The following CEP63 variants were observed in gnomAD, a reference collection of about 807,000 sequenced individuals.
CEP63 encodes the protein centrosomal protein 63.
A neutral mutation model predicts 89.1 loss-of-function variants in CEP63; 84 were observed. The observed-to-expected ratio is 0.94, with a 90% CI of 0.79 to 1.13. The LOEUF (loss-of-function observed/expected upper bound fraction) is 1.13. Ranked by LOEUF, CEP63 falls within the 50% of genes most tolerant of loss-of-function variation. CEP63 has a pLI of 0.00. For synonymous variants in CEP63, 267 were observed against 272.5 expected (o/e 0.98, Z 0.20); for missense variants, 838 against 813.3 (o/e 1.03, Z -0.37).
chr3:134,556,385 C>T (rs917274928), intron 12 of CEP63, among the ~76,000 whole-genome samples: 1 of 151,242 alleles, frequency 6.6e-6, no homozygotes, highest in Admixed American at 6.6e-5. Flanking sequence ...TTTTAAAGCG[C>T]AAACCCACGA....
the CEP63 span, chr3:134,610,143 A>T: frequency 6.4e-7 from 1 of 1,560,756 alleles, no homozygotes; most frequent in Non-Finnish European, 8.7e-7. Context: ...TGCCTGGCAC[A>T]TCCTCCACTT....
At chr3:134,566,176 T>C (rs1041866095), downstream of CEP63, among the ~76,000 whole-genome samples, 2 of 152,118 alleles carry the variant, frequency 1.3e-5, no homozygotes, top group African/African-American at 4.8e-5. Flanking sequence ...GGGAATTTTA[T>C]GTTGCCCATT....
intron 9 of CEP63, among the ~76,000 whole-genome samples, chr3:134,548,244 T>C (rs917033041): frequency 4.6e-5 from 7 of 152,238 alleles, no homozygotes; most frequent in African/African-American, 1.7e-4. Flanking sequence ...CTATACTGAC[T>C]CTACTTCTTT....
chr3:134,538,535 ATATATATATATATATATATG>A (rs1951291701), intron 6 of CEP63, among the ~76,000 whole-genome samples: 4 of 136,760 alleles, frequency 2.9e-5, no homozygotes, highest in African/African-American at 7.7e-5. Flanking sequence ...GTGTGTGTGT[ATATATATATATATATATATG>A]TATATATATA....
At chr3:134,527,836 C>A (rs755561498) in intron 3 of CEP63, among the ~76,000 whole-genome samples, 2 of 152,164 alleles carry the variant, frequency 1.3e-5, no homozygotes, top group Non-Finnish European at 2.9e-5. Context: ...TCAGATGAGA[C>A]CGGCCCCATA....
the CEP63 span, among the ~76,000 whole-genome samples, chr3:134,655,787 C>A: frequency 6.6e-6 from 1 of 152,170 alleles, no homozygotes; most frequent in African/African-American, 2.4e-5. Context: ...GGTTTCAAGA[C>A]CTCTGTTGAG....
At chr3:134,507,059 GC>G in intron 2 of CEP63, 49 bp from the exon 3 acceptor site, 1 of 1,443,538 alleles carries the variant, frequency 6.9e-7, no homozygotes, top group Non-Finnish European at 9.7e-7. Flanking sequence ...AAGATGAAAA[GC>G]CACTTGAACA....
chr3:134,507,056 A>G (rs997169920), intron 2 of CEP63, 53 bp from the exon 3 acceptor site: 1 of 1,428,682 alleles, frequency 7.0e-7, no homozygotes, highest in African/African-American at 1.4e-5. Context: ...AAAAAGATGA[A>G]AAGCCACTTG....
the CEP63 span, among the ~76,000 whole-genome samples, chr3:134,777,126 C>T: frequency 2.0e-5 from 3 of 152,188 alleles, no homozygotes; most frequent in Admixed American, 6.5e-5. Flanking sequence ...TTATTGAGTC[C>T]TCAGTGAAGG....
intron 1 of CEP63, among the ~76,000 whole-genome samples, chr3:134,493,331 G>A (rs1205886765): frequency 2.0e-5 from 3 of 151,664 alleles, no homozygotes; most frequent in Non-Finnish European, 4.4e-5. Flanking sequence ...TAGTTGCAGA[G>A]TAGGACTGTA....
the CEP63 span, among the ~76,000 whole-genome samples, chr3:134,611,139 T>C: frequency 1.3e-5 from 2 of 152,230 alleles, no homozygotes; most frequent in African/African-American, 4.8e-5. Flanking sequence ...TGGAGTCTCC[T>C]GTGGCTGTCC....
chr3:134,663,788 G>A, the CEP63 span, among the ~76,000 whole-genome samples: 1 of 152,230 alleles, frequency 6.6e-6, no homozygotes, highest in Non-Finnish European at 1.5e-5. Context: ...TTCCTCTCCA[G>A]CTTTCCTCTT....
At chr3:134,703,160 G>A in the CEP63 span, among the ~76,000 whole-genome samples, 1 of 151,932 alleles carries the variant, frequency 6.6e-6, no homozygotes, top group South Asian at 2.1e-4. Flanking sequence ...GCCAGGCGTG[G>A]TGGTGGGTGC....
the CEP63 span, among the ~76,000 whole-genome samples, chr3:134,609,740 C>T: frequency 6.6e-6 from 1 of 152,164 alleles, no homozygotes; most frequent in Admixed American, 6.5e-5. Flanking sequence ...GCCCTTTCCT[C>T]AGAAATGTGA....
the CEP63 span, among the ~76,000 whole-genome samples, chr3:134,698,100 C>A: frequency 6.6e-6 from 1 of 152,236 alleles, no homozygotes; most frequent in African/African-American, 2.4e-5. Flanking sequence ...ACCCCGCCAA[C>A]CTGACACCCC....
chr3:134,712,584 T>C, the CEP63 span, among the ~76,000 whole-genome samples: 67 of 152,250 alleles, frequency 4.4e-4, no homozygotes, highest in African/African-American at 1.5e-3. Context: ...TTCAAAAAAG[T>C]TTTTTCTCTC....
the CEP63 span, among the ~76,000 whole-genome samples, chr3:134,686,723 G>A: frequency 4.6e-5 from 7 of 152,320 alleles, no homozygotes; most frequent in South Asian, 1.5e-3. Context: ...GGTGCTTCTT[G>A]AGTACCAGCA....
the CEP63 span, among the ~76,000 whole-genome samples, chr3:134,729,391 A>G: frequency 1.3e-5 from 2 of 152,248 alleles, no homozygotes; most frequent in African/African-American, 4.8e-5. Context: ...TCACTAAAAT[A>G]AAGTCTAGCT....
the CEP63 span, chr3:134,650,732 G>A: frequency 2.5e-6 from 3 of 1,221,648 alleles, no homozygotes; most frequent in African/African-American, 4.7e-5. Context: ...ACCTCGTTCG[G>A]GGGAGCAATG....
Sources: gnomAD v4.1 joint callset for allele counts (sites outside exome capture counted in the v4.1 genomes callset) on GRCh38, gnomAD v4.1.1 for gene constraint, MANE v1.5 for transcripts, NCBI Gene and HGNC (gene_info 2026-07-23, HGNC 2026-07-21) for gene names.